The following MBOAT2 variants were observed in gnomAD, a reference collection of about 807,000 sequenced individuals.
MBOAT2 encodes membrane bound glycerophospholipid O-acyltransferase 2.
MBOAT2 carries 28 observed loss-of-function variants against 63.4 expected under a neutral mutation model. That is an observed-to-expected ratio of 0.44 (90% CI 0.33 to 0.61). The LOEUF (loss-of-function observed/expected upper bound fraction) is 0.61. MBOAT2 is among the 20% of genes least tolerant of loss of function. The pLI is 0.03. For missense variants in MBOAT2, 470 were observed against 605.8 expected, an observed-to-expected ratio of 0.78 and a Z score of 2.35; for synonymous variants, 211 against 215.6, an observed-to-expected ratio of 0.98 and a Z score of 0.19.
intron 1 of MBOAT2, among the ~76,000 whole-genome samples, chr2:8,983,517 G>A (rs1351348923): frequency 6.6e-6 from 1 of 152,180 alleles, no homozygotes; most frequent in Non-Finnish European, 1.5e-5. Flanking sequence ...CCAGAAAACA[G>A]AAGAGGAAGG....
intron 3 of MBOAT2, among the ~76,000 whole-genome samples, chr2:8,911,353 A>G (rs1665695599): frequency 6.6e-6 from 1 of 152,196 alleles, no homozygotes; most frequent in Non-Finnish European, 1.5e-5. Flanking sequence ...TTCATGTAGG[A>G]TTCATGTGAA....
chr2:8,984,434 G>A (rs1671413849), intron 1 of MBOAT2, among the ~76,000 whole-genome samples: 1 of 152,134 alleles, frequency 6.6e-6, no homozygotes, highest in African/African-American at 2.4e-5. Flanking sequence ...ACACTACGAA[G>A]AAAGCAAGGA....
intron 4 of MBOAT2, among the ~76,000 whole-genome samples, chr2:8,895,588 C>G (rs1411513157): frequency 1.3e-5 from 2 of 152,194 alleles, no homozygotes; most frequent in Non-Finnish European, 2.9e-5. Flanking sequence ...AAAAGTGCTC[C>G]AAGTCCCCAC....
chr2:8,872,455 T>C (rs1248728034), intron 8 of MBOAT2, among the ~76,000 whole-genome samples: 1 of 152,094 alleles, frequency 6.6e-6, no homozygotes, highest in Admixed American at 6.5e-5. Flanking sequence ...TTTTTAAAAA[T>C]CTTTTTGTAG....
At chr2:8,886,493 T>C (rs1374150988) in intron 5 of MBOAT2, among the ~76,000 whole-genome samples, 2 of 152,168 alleles carry the variant, frequency 1.3e-5, no homozygotes, top group Admixed American at 6.5e-5. Flanking sequence ...AATCTATCCC[T>C]TGGGAATAAA....
intron 1 of MBOAT2, among the ~76,000 whole-genome samples, chr2:8,987,393 T>C (rs542681326): frequency 3.3e-5 from 5 of 152,312 alleles, no homozygotes; most frequent in African/African-American, 9.6e-5. Flanking sequence ...TACACATTTG[T>C]CAAAATTGGT....
rs1203828790 is a variant in MBOAT2 at position 8,858,664 on chromosome 2, T to C, written c.*15A>G. 6.4e-7 allele frequency: 1 copy of C among 1,562,716 alleles called. No individual in the cohort carries two copies. Among genetic ancestry groups the C allele is most frequent in the Middle Eastern group, 1.7e-4 (1 of 5,864 alleles). On this transcript the variant is annotated 3_prime_UTR_variant, in exon 13 of 13. Transcript: ENST00000305997. ...TAACATCAAAAAAAAAAAACAGCCC[T>C]CAGAGCCTTCCCGATCACTGCTTTA...
At chr2:8,992,443 T>C (rs1282692343) in intron 1 of MBOAT2, among the ~76,000 whole-genome samples, 1 of 152,192 alleles carries the variant, frequency 6.6e-6, no homozygotes, top group East Asian at 1.9e-4. Context: ...AGCCTCTCCA[T>C]TGAGTTTTAA....
intron 1 of MBOAT2, among the ~76,000 whole-genome samples, chr2:8,990,744 AG>A (rs1009824661): frequency 3.3e-5 from 5 of 152,250 alleles, no homozygotes; most frequent in African/African-American, 1.2e-4. Flanking sequence ...ATTTCCATCC[AG>A]GTCTAATAGA....
intron 9 of MBOAT2, among the ~76,000 whole-genome samples, chr2:8,865,894 G>A (rs115990857): frequency 0.035 from 5,325 of 152,236 alleles, 290 homozygotes; most frequent in African/African-American, 0.11. Flanking sequence ...AACATTGGCC[G>A]GGCGTGGTGG....
chr2:8,929,224 T>C (rs1573078424), intron 3 of MBOAT2, among the ~76,000 whole-genome samples: 1 of 152,218 alleles, frequency 6.6e-6, no homozygotes, highest in African/African-American at 2.4e-5. Context: ...GAGGTAAAAA[T>C]TACTGCTATA....
chr2:8,901,136 C>T (rs1664891671), intron 4 of MBOAT2, among the ~76,000 whole-genome samples: 1 of 151,656 alleles, frequency 6.6e-6, no homozygotes. Context: ...GAAACAACCC[C>T]TGCCCAAGAA....
At chr2:8,978,736 G>A (rs572636808) in intron 1 of MBOAT2, among the ~76,000 whole-genome samples, 7 of 152,058 alleles carry the variant, frequency 4.6e-5, no homozygotes, top group South Asian at 2.1e-4. Context: ...CCTAAATGAC[G>A]GGTTGACAGG....
chr2:8,877,267 T>G, intron 6 of MBOAT2, 54 bp from the exon 7 acceptor site: 1 of 1,519,822 alleles, frequency 6.6e-7, no homozygotes, highest in East Asian at 2.3e-5. Context: ...TCAGAACATC[T>G]GATAGAATAA....
intron 3 of MBOAT2, among the ~76,000 whole-genome samples, chr2:8,932,227 T>G (rs1667372547): frequency 6.6e-6 from 1 of 152,162 alleles, no homozygotes; most frequent in African/African-American, 2.4e-5. Flanking sequence ...AAATACTATT[T>G]TAAAGTCTAT....
chr2:8,923,322 G>A (rs1246090709), intron 3 of MBOAT2, among the ~76,000 whole-genome samples: 4 of 152,146 alleles, frequency 2.6e-5, no homozygotes, highest in African/African-American at 4.8e-5. Flanking sequence ...TTACTATTGT[G>A]AAACCTAAAG....
chr2:8,958,952 C>G (rs904744837), intron 1 of MBOAT2, among the ~76,000 whole-genome samples: 2 of 152,072 alleles, frequency 1.3e-5, no homozygotes, highest in South Asian at 2.1e-4. Flanking sequence ...AACAAAAAGC[C>G]CAGGGCACCT....
chr2:8,877,145 A>G lies in MBOAT2; in HGVS notation c.575T>C (p.Leu192Pro). The G allele has an allele frequency of 1.2e-6, 2 of 1,614,156 alleles. No individual in the cohort carries two copies. Among genetic ancestry groups the G allele is most frequent in the Non-Finnish European group, 1.7e-6 (2 of 1,180,020 alleles). Residue 192 changes from leucine (L) to proline (P), a missense_variant, in exon 7 of 13, where the codon CTT becomes CCT. By Grantham distance (98) the Leu-to-Pro change is moderately conservative. Transcript: ENST00000305997. ...CNFMGILAGP[L>P]CSYKDYITFI... ...AGTAATGTAGTCTTTGTAAGAGCAAAGTGGGCCTGCCAGGATCCCCATGAA... is the reference window on the plus strand; with the variant it reads ...AGTAATGTAGTCTTTGTAAGAGCAAGGTGGGCCTGCCAGGATCCCCATGAA...
chr2:8,894,965 C>T (rs1047431218), intron 4 of MBOAT2, among the ~76,000 whole-genome samples: 1 of 151,568 alleles, frequency 6.6e-6, no homozygotes, highest in Non-Finnish European at 1.5e-5. Flanking sequence ...AAAGGCGGCA[C>T]GTCCGGAGTT....
Sources: gnomAD v4.1 joint callset for allele counts (sites outside exome capture counted in the v4.1 genomes callset) on GRCh38, gnomAD v4.1.1 for gene constraint, MANE v1.5 for transcripts, NCBI Gene and HGNC (gene_info 2026-07-23, HGNC 2026-07-21) for gene names.